The following CYP27C1 variants were observed in gnomAD, a reference collection of about 807,000 sequenced individuals.
The protein encoded by CYP27C1 is cytochrome P450 27C1.
A neutral mutation model predicts 40.6 loss-of-function variants in CYP27C1; 29 were observed. That is an observed-to-expected ratio of 0.71 (90% CI 0.53 to 0.97). The LOEUF is 0.97. Among genes scored for constraint, CYP27C1 ranks in the 50% least tolerant of loss-of-function variants. CYP27C1 has a pLI of 0.00. For missense variants in CYP27C1, 390 were observed against 485.8 expected (o/e 0.80, Z 1.85); for synonymous variants, 198 against 186.8 (o/e 1.06, Z -0.49).
intron 1 of CYP27C1, among the ~76,000 whole-genome samples, chr2:127,214,252 A>G (rs1173534983): frequency 6.6e-6 from 1 of 152,216 alleles, no homozygotes; most frequent in African/African-American, 2.4e-5. Context: ...ATTGTGGAAG[A>G]CAGTATGGTG....
rs923422456 is a variant in CYP27C1, at chr2:127,200,259, C to T, written c.884-720G>A. ...CCTCCCAAAGTGCTGGGATTACAGG[C>T]GTGAGCCACTGCACCCAGCCTAAAT... On this transcript the variant is annotated intron_variant, in intron 4 of 8. Transcript: ENST00000664447. This position sits in a 1 kb window ranked among gnomAD's most constrained non-coding sequence, Gnocchi z 4.2. Among the ~76,000 whole-genome samples the T allele has an allele frequency of 1.1e-4, 16 of 152,332 alleles. No homozygotes were observed. The highest frequency in any genetic ancestry group is 2.1e-4 in the South Asian group (1 of 4,820).
Position 127,208,913 on chromosome 2 carries a change from G to C in CYP27C1, c.283-2823C>G, listed in dbSNP as rs1393759907. ...CAGTCTCTGCGGACCAGCAGATTTA[G>C]CCTCTTCTCCTGGTAGTTCTGAGGA... On this transcript the variant is annotated intron_variant, in intron 1 of 8. Transcript: ENST00000664447. The surrounding 1 kb of genome is among the most constrained non-coding windows in gnomAD (Gnocchi z 5.2). 6.6e-6 allele frequency among the ~76,000 whole-genome samples: 1 copy of C among 152,026 alleles called. No homozygotes were observed. Among genetic ancestry groups the C allele is most frequent in the Admixed American group, 6.5e-5 (1 of 15,276 alleles).
intron 1 of CYP27C1, among the ~76,000 whole-genome samples, chr2:127,212,530 G>A (rs186809602): frequency 2.6e-5 from 4 of 152,210 alleles, no homozygotes; most frequent in Non-Finnish European, 4.4e-5. Flanking sequence ...ATCAATAAAC[G>A]TAATCCATCA....
At chr2:127,212,278 A>C (rs1243514929) in intron 1 of CYP27C1, among the ~76,000 whole-genome samples, 1 of 152,224 alleles carries the variant, frequency 6.6e-6, no homozygotes, top group Non-Finnish European at 1.5e-5. Context: ...AAACTATTCC[A>C]AACAATTGAG....
rs886648567 is a variant in CYP27C1 at position 127,199,359 on chromosome 2, A to G, written c.1047+17T>C. ...TTATCGTGTGTTGCTTGCTGAGAAC[A>G]GGACCCCCAGACTCACCGTGTCGAC... is the stretch of plus-strand genomic sequence containing the variant. On this transcript the variant is annotated intron_variant, in intron 5 of 8. Transcript: ENST00000664447. 6.2e-7 allele frequency: 1 copy of G among 1,612,360 alleles called. No individual in the cohort carries two copies. Among genetic ancestry groups the G allele is most frequent in the African/African-American group, 1.3e-5 (1 of 74,874 alleles).
Position 127,193,266 on chromosome 2 carries a change from G to C in CYP27C1, c.1325C>G (p.Ser442Trp). The C allele has an allele frequency of 6.2e-7, 1 of 1,614,224 alleles. No individual in the cohort carries two copies. The highest frequency in any genetic ancestry group is 8.5e-7 in the Non-Finnish European group (1 of 1,180,038). The part of the protein sequence containing the change: ...TQLALCHYAT[S>W]YQDENFPRAK... Reference sequence around the variant, plus strand: ...CCGAGGGAAGTTCTCATCCTGGTACGATGTGGCATAGTGGCAAAGGGCCAG... The same window carrying C: ...CCGAGGGAAGTTCTCATCCTGGTACCATGTGGCATAGTGGCAAAGGGCCAG... Residue 442 changes from serine (S) to tryptophan (W), a missense_variant, in exon 8 of 9, where the codon TCG (serine) becomes TGG (tryptophan). Transcript: ENST00000664447.
chr2:127,204,481 AAAGAAAGGAAGG>A lies in CYP27C1; in HGVS notation c.474-922_474-911del, dbSNP rs1281991842. Among the ~76,000 whole-genome samples the A allele has an allele frequency of 3.1e-3, 210 of 67,058 alleles. 20 individuals carry two copies. The highest frequency in any genetic ancestry group is 9.5e-3 in the African/African-American group (159 of 16,656). 44.0% of individuals were successfully genotyped at this position (67,058 alleles called of 152,430 possible). On this transcript the variant is annotated intron_variant, in intron 2 of 8. Coordinates refer to ENST00000664447, the MANE Select transcript of CYP27C1 (RefSeq NM_001367502.1). The stretch of plus-strand genomic sequence containing the variant: ...GAAAGAAAGAAAGAAAGAAAGAAAG[AAAGAAAGGAAGG>A]AAGGAAGGAAGGAAAGAAAGAAGGA...
At chr2:127,211,127 G>A (rs138166298) in intron 1 of CYP27C1, among the ~76,000 whole-genome samples, 159 of 152,058 alleles carry the variant, frequency 1.0e-3, no homozygotes, top group Middle Eastern at 6.8e-3. Context: ...TCCTCAGCAA[G>A]TGCAAAAGAA....
chr2:127,189,168 G>GCCCCCCCCCCCCCCCCCC (rs34707287), intron 8 of CYP27C1, among the ~76,000 whole-genome samples: 13 of 129,068 alleles, frequency 1.0e-4, no homozygotes, highest in South Asian at 2.5e-4. Flanking sequence ...AAAAAACACT[G>GCCCCCCCCCCCCCCCCCC]CCCCCCCCCT....
At chr2:127,202,587 C>T (rs980116551) in intron 3 of CYP27C1, among the ~76,000 whole-genome samples, 1 of 152,200 alleles carries the variant, frequency 6.6e-6, no homozygotes, top group Non-Finnish European at 1.5e-5. Flanking sequence ...ACCTTTGCTG[C>T]ATTCAGGAAA....
chr2:127,204,461 AAAGAAAG>A lies in CYP27C1; in HGVS notation c.474-897_474-891del, dbSNP rs1260881024. ...AAGAAAAAGAAAGAAAGAAAGAAAGAAAGAAAGAAAGAAAGAAAGAAAGAAAGGAAGG... is the reference window on the plus strand; with the variant it reads ...AAGAAAAAGAAAGAAAGAAAGAAAGAAAAGAAAGAAAGAAAGAAAGGAAGG... On this transcript the variant is annotated intron_variant, in intron 2 of 8. Transcript: ENST00000664447. Among the ~76,000 whole-genome samples the A allele has an allele frequency of 3.8e-5, 2 of 52,078 alleles. 1 individual carries two copies. Among genetic ancestry groups the A allele is most frequent in the Non-Finnish European group, 8.0e-5 (2 of 24,968 alleles). 34.2% of individuals were successfully genotyped at this position (52,078 alleles called of 152,430 possible).
chr2:127,203,204 T>G (rs1683082946), intron 3 of CYP27C1, among the ~76,000 whole-genome samples, 168 bp downstream of exon 3: 1 of 150,342 alleles, frequency 6.7e-6, no homozygotes, highest in African/African-American at 2.4e-5. Context: ...TCCTCATTGG[T>G]CAACGGTGGT....
chr2:127,210,276 A>T (rs908882647), intron 1 of CYP27C1, among the ~76,000 whole-genome samples: 4 of 152,220 alleles, frequency 2.6e-5, no homozygotes, highest in African/African-American at 9.6e-5. Flanking sequence ...TCATAAGCAA[A>T]GGAGAAATAA....
In CYP27C1 at chr2:127,217,138, G is replaced by A. The variant is rs529350072; in HGVS notation, c.282+2851C>T. On this transcript the variant is annotated intron_variant, in intron 1 of 8. Coordinates refer to ENST00000664447, the MANE Select transcript of CYP27C1 (RefSeq NM_001367502.1). ...TGGGTACAATCAGCACAAGGGAACTGGAGGTAGAAATGATACAGATAGTTT... is the reference window on the plus strand; with the variant it reads ...TGGGTACAATCAGCACAAGGGAACTAGAGGTAGAAATGATACAGATAGTTT... Among the ~76,000 whole-genome samples, 9 of 152,312 alleles carry A rather than the reference G, an allele frequency of 5.9e-5. No homozygotes were observed. The East Asian group carries it at 1.7e-3, about 29-fold the overall frequency.
At chr2:127,212,297 ACTCC>A (rs1683355014) in intron 1 of CYP27C1, among the ~76,000 whole-genome samples, 1 of 151,970 alleles carries the variant, frequency 6.6e-6, no homozygotes. Context: ...AGAAGAAGGG[ACTCC>A]CCCCTAACTC....
At chr2:127,217,215 T>TA (rs1208963812) in intron 1 of CYP27C1, among the ~76,000 whole-genome samples, 1 of 152,178 alleles carries the variant, frequency 6.6e-6, no homozygotes, top group Non-Finnish European at 1.5e-5. Flanking sequence ...GCACAGTACT[T>TA]AGAGTTTGCT....
intron 4 of CYP27C1, among the ~76,000 whole-genome samples, chr2:127,199,960 T>C (rs1416202042): frequency 4.6e-5 from 7 of 152,196 alleles, no homozygotes; most frequent in Admixed American, 3.3e-4. Context: ...TCAGGACTTC[T>C]ATATTCAAAT....
chr2:127,197,635 C>T (rs1682934188), intron 5 of CYP27C1, among the ~76,000 whole-genome samples: 1 of 152,174 alleles, frequency 6.6e-6, no homozygotes, highest in Admixed American at 6.6e-5. Context: ...TCTCTTTCCA[C>T]CCGACCACCA....
At chr2:127,198,675 T>C (rs1682962519) in intron 5 of CYP27C1, among the ~76,000 whole-genome samples, 1 of 152,208 alleles carries the variant, frequency 6.6e-6, no homozygotes, top group Non-Finnish European at 1.5e-5. Context: ...GTATGTTAGA[T>C]ACACACATAC....
Sources: gnomAD v4.1 joint callset for allele counts (sites outside exome capture counted in the v4.1 genomes callset) on GRCh38, gnomAD v4.1.1 for gene constraint, Gnocchi (gnomAD v3.1) non-coding constraint, MANE v1.5 for transcripts, NCBI Gene and HGNC (gene_info 2026-07-23, HGNC 2026-07-21) for gene names.